PCDH9: variants seen among roughly 807,000 people sequenced by gnomAD.
PCDH9 encodes the protein protocadherin 9, also known as protocadherin-9.
PCDH9 carries 24 observed loss-of-function variants against 70.6 expected under a neutral mutation model. The ratio of observed to expected loss-of-function variants is 0.34; its 90% confidence interval spans 0.25 to 0.48. PCDH9 has a LOEUF of 0.48. Among genes scored for constraint, PCDH9 ranks in the 20% least tolerant of loss-of-function variants. PCDH9 has a pLI of 0.99. For synonymous variants in PCDH9, 562 were observed against 558.5 expected, an observed-to-expected ratio of 1.01 and a Z score of -0.09; for missense variants, 1,281 against 1,503.6, an observed-to-expected ratio of 0.85 and a Z score of 2.45.
chr13:66,843,026 A>T (rs771925917), intron 3 of PCDH9, among the ~76,000 whole-genome samples: 3 of 152,188 alleles, frequency 2.0e-5, no homozygotes, highest in Non-Finnish European at 4.4e-5. Context: ...TTCACTCTTG[A>T]TCTATGTTAA....
intron 3 of PCDH9, among the ~76,000 whole-genome samples, chr13:66,655,698 G>A (rs1407440665): frequency 7.2e-5 from 11 of 151,996 alleles, no homozygotes; most frequent in Non-Finnish European, 1.5e-4. Context: ...GCATTTTGTC[G>A]ATGAATAATT....
At chr13:66,907,428 T>C (rs755306993) in intron 2 of PCDH9, among the ~76,000 whole-genome samples, 2 of 152,194 alleles carry the variant, frequency 1.3e-5, no homozygotes, top group Non-Finnish European at 2.9e-5. Context: ...ATTTGTTTTA[T>C]ACTTTAAGAC....
intron 3 of PCDH9, among the ~76,000 whole-genome samples, chr13:66,720,487 G>A (rs953499946): frequency 1.3e-5 from 2 of 151,626 alleles, no homozygotes; most frequent in African/African-American, 2.4e-5. Flanking sequence ...TCATTTAAAG[G>A]CTTATCTAGT....
Position 66,848,114 on chromosome 13 carries a change from C to T in PCDH9, c.3138+55390G>A, listed in dbSNP as rs527876272. On this transcript the variant is annotated intron_variant, in intron 3 of 4. Coordinates refer to ENST00000377865, the MANE Select transcript of PCDH9 (RefSeq NM_203487.3). ...TTTCAGCGTATCTCCTATATCCATG[C>T]CTAAAAAGCAAGTAATATTTGAATA... is the stretch of plus-strand genomic sequence containing the variant. Among the ~76,000 whole-genome samples the T allele has an allele frequency of 1.2e-4, 18 of 152,112 alleles. No homozygotes were observed. The East Asian group carries it at 2.1e-3, about 18-fold the overall frequency.
chr13:66,883,089 G>T (rs1314288416), intron 3 of PCDH9, among the ~76,000 whole-genome samples: 4 of 151,894 alleles, frequency 2.6e-5, no homozygotes, highest in Admixed American at 2.6e-4. Flanking sequence ...TCAAACCAGG[G>T]TTCTTCACCA....
intron 3 of PCDH9, among the ~76,000 whole-genome samples, chr13:66,662,143 A>G (rs2078018009): frequency 6.6e-6 from 1 of 152,094 alleles, no homozygotes. Context: ...CAACATCAAA[A>G]CAAATATCAA....
intron 4 of PCDH9, among the ~76,000 whole-genome samples, chr13:66,462,142 T>C (rs1958435905): frequency 6.6e-6 from 1 of 151,552 alleles, no homozygotes; most frequent in East Asian, 1.9e-4. Context: ...CAAACCATGC[T>C]CCCCCAACCC....
intron 4 of PCDH9, among the ~76,000 whole-genome samples, chr13:66,351,046 A>G (rs766008006): frequency 5.9e-5 from 9 of 152,212 alleles, no homozygotes; most frequent in Non-Finnish European, 1.3e-4. Flanking sequence ...AGCTCAAAGG[A>G]TAGAATTATG....
intron 4 of PCDH9, among the ~76,000 whole-genome samples, chr13:66,568,057 C>T (rs942452856): frequency 9.2e-5 from 14 of 152,102 alleles, no homozygotes; most frequent in African/African-American, 3.1e-4. Flanking sequence ...GCCTAACTCC[C>T]TCTATGACTG....
At chr13:66,887,451 C>T (rs944974032) in intron 3 of PCDH9, among the ~76,000 whole-genome samples, 11 of 151,822 alleles carry the variant, frequency 7.2e-5, no homozygotes, top group Non-Finnish European at 7.4e-5. Context: ...GGAAAGGAAA[C>T]ACAAGTATAT....
chr13:67,050,755 C>T (rs1177376831), intron 2 of PCDH9, among the ~76,000 whole-genome samples: 2 of 152,170 alleles, frequency 1.3e-5, no homozygotes, highest in African/African-American at 4.8e-5. Flanking sequence ...AAATTCTCTG[C>T]TCTAAAAATC....
chr13:67,036,651 C>T lies in PCDH9; in HGVS notation c.3037-133046G>A, dbSNP rs74093560. On this transcript the variant is annotated intron_variant, in intron 2 of 4. Transcript: ENST00000377865. ...TATTTGGGTTCCTTCCTGCTCTAAA[C>T]ATGTTGGTTTTCCCTTTCAGGAGAT... Among the ~76,000 whole-genome samples, 770 of 152,296 alleles carry T rather than the reference C, an allele frequency of 5.1e-3. 3 individuals are homozygous for T. The highest frequency in any genetic ancestry group is 0.017 in the African/African-American group (714 of 41,550).
At chr13:66,989,150 G>A (rs2083951625) in intron 2 of PCDH9, among the ~76,000 whole-genome samples, 1 of 151,748 alleles carries the variant, frequency 6.6e-6, no homozygotes, top group Admixed American at 6.6e-5. Flanking sequence ...AATAAGTATT[G>A]GAATAAATAT....
Position 66,641,831 on chromosome 13 carries a change from G to A in PCDH9, c.3139-10420C>T, listed in dbSNP as rs139584436. Among the ~76,000 whole-genome samples, 17 of 152,228 alleles carry A rather than the reference G, an allele frequency of 1.1e-4. No individual in the cohort carries two copies. The East Asian group carries it at 3.3e-3, about 29-fold the overall frequency. ...TTTAACTACCAAATAAAAAAAGAAA[G>A]TTACAAAAAATTCATGTATTTCTTC... On this transcript the variant is annotated intron_variant, in intron 3 of 4. Transcript: ENST00000377865.
chr13:67,191,505 AC>A (rs1251721772), intron 2 of PCDH9, among the ~76,000 whole-genome samples: 2 of 152,164 alleles, frequency 1.3e-5, no homozygotes, highest in Non-Finnish European at 2.9e-5. Context: ...TTTAAAGGAA[AC>A]TATTATATAA....
chr13:66,442,128 T>C (rs1320202289), intron 4 of PCDH9, among the ~76,000 whole-genome samples: 1 of 152,184 alleles, frequency 6.6e-6, no homozygotes, highest in African/African-American at 2.4e-5. Flanking sequence ...AGAGTTCTTG[T>C]CCAGTGCACA....
At chr13:67,029,911 A>G (rs1315051225) in intron 2 of PCDH9, among the ~76,000 whole-genome samples, 3 of 152,182 alleles carry the variant, frequency 2.0e-5, no homozygotes, top group Non-Finnish European at 4.4e-5. Context: ...AAGTTATTGT[A>G]TTAATAAAAA....
chr13:66,893,678 A>C (rs1013359046), intron 3 of PCDH9, among the ~76,000 whole-genome samples: 17 of 152,186 alleles, frequency 1.1e-4, no homozygotes, highest in Non-Finnish European at 4.4e-5. Context: ...ACACATGTGC[A>C]CGCAATAACA....
intron 2 of PCDH9, among the ~76,000 whole-genome samples, chr13:66,938,647 A>T (rs2082956425): frequency 6.6e-6 from 1 of 152,208 alleles, no homozygotes; most frequent in Admixed American, 6.5e-5. Flanking sequence ...ACAAAGAAAA[A>T]GGAAATTTAT....
Sources: gnomAD v4.1 joint callset for allele counts (sites outside exome capture counted in the v4.1 genomes callset) on GRCh38, gnomAD v4.1.1 for gene constraint, MANE v1.5 for transcripts, NCBI Gene and HGNC (gene_info 2026-07-23, HGNC 2026-07-21) for gene names.